The following LARP1B variants were observed in gnomAD, a reference collection of about 807,000 sequenced individuals.
The protein encoded by LARP1B is la-related protein 1B.
A neutral mutation model predicts 114.2 loss-of-function variants in LARP1B; 76 were observed. The ratio of observed to expected loss-of-function variants is 0.67; its 90% CI spans 0.55 to 0.81. The LOEUF (loss-of-function observed/expected upper bound fraction) is 0.81, where lower values mean the gene tolerates loss of function less well. Among genes scored for constraint, LARP1B ranks in the 30% least tolerant of loss-of-function variants. The pLI, the probability that LARP1B is intolerant of heterozygous loss-of-function variation, is 0.00. For missense variants in LARP1B, 1,014 were observed against 1,075.8 expected (o/e 0.94, Z 0.80); for synonymous variants, 345 against 348.0 (o/e 0.99, Z 0.10).
At chr4:128,203,861 G>A (rs1384789744) in intron 17 of LARP1B, among the ~76,000 whole-genome samples, 1 of 152,286 alleles carries the variant, frequency 6.6e-6, no homozygotes, top group African/African-American at 2.4e-5. Context: ...AATTTTCAGT[G>A]ATATAATGAC....
At chr4:128,203,770 G>A (rs530770655) in intron 17 of LARP1B, among the ~76,000 whole-genome samples, 5 of 152,214 alleles carry the variant, frequency 3.3e-5, no homozygotes, top group East Asian at 3.9e-4. Flanking sequence ...AGCTAACATC[G>A]CTTACATCTC....
chr4:128,074,330 TA>T (rs1766973426), intron 1 of LARP1B, 129 bp from the exon 2 acceptor site: 1 of 156,444 alleles, frequency 6.4e-6, no homozygotes, highest in African/African-American at 2.4e-5. Context: ...GCTAGGAATT[TA>T]AGTCTCAGAA....
At chr4:128,083,793 CG>C (rs1286032042) in intron 5 of LARP1B, among the ~76,000 whole-genome samples, 2 of 129,322 alleles carry the variant, frequency 1.5e-5, no homozygotes, top group Non-Finnish European at 3.4e-5. Flanking sequence ...GCTGGCCGGG[CG>C]GGGGGCTGAC....
intron 4 of LARP1B, among the ~76,000 whole-genome samples, chr4:128,080,436 G>A (rs370468917): frequency 5.3e-5 from 8 of 151,902 alleles, no homozygotes; most frequent in South Asian, 4.1e-4. Flanking sequence ...AAGGAATCTC[G>A]TTGACATAAT....
chr4:128,074,128 C>T (rs1012421834), intron 1 of LARP1B, among the ~76,000 whole-genome samples: 8 of 151,190 alleles, frequency 5.3e-5, no homozygotes, highest in Non-Finnish European at 2.9e-5. Flanking sequence ...TTAGTAGAGA[C>T]GGGGTTTCTC....
Position 128,179,486 on chromosome 4 carries a change from C to A in LARP1B, c.1977C>A (p.Asp659Glu), listed in dbSNP as rs1274605345. 1.2e-6 allele frequency: 2 copies of A among 1,607,094 alleles called. No individual in the cohort carries two copies. Among genetic ancestry groups the A allele is most frequent in the Non-Finnish European group, 1.7e-6 (2 of 1,175,976 alleles). Residue 659 changes from aspartate to glutamate, a missense_variant, in exon 15 of 20, where the codon GAC becomes GAA. Coordinates refer to ENST00000326639, the MANE Select transcript of LARP1B (RefSeq NM_018078.4). ...TTGGTTGGGTAATGGATTCCAGAGACCGTGGGCCAGGAACATCCTCTGTCA... is the reference window on the plus strand; with the variant it reads ...TTGGTTGGGTAATGGATTCCAGAGAACGTGGGCCAGGAACATCCTCTGTCA... Reference protein sequence around the residue: ...CHVGWVMDSRDRGPGTSSVST... With the variant: ...CHVGWVMDSRERGPGTSSVST...
At chr4:128,214,236 G>A (rs969735574), downstream of LARP1B, among the ~76,000 whole-genome samples, 7 of 146,380 alleles carry the variant, frequency 4.8e-5, no homozygotes, top group African/African-American at 1.3e-4. Context: ...AGGGGCGCCC[G>A]CCATTGCCCA....
chr4:128,192,260 T>A (rs996550180), intron 15 of LARP1B, among the ~76,000 whole-genome samples: 4 of 152,170 alleles, frequency 2.6e-5, no homozygotes, highest in African/African-American at 9.7e-5. Context: ...GCCAAAATAT[T>A]CATGTGACTT....
intron 4 of LARP1B, among the ~76,000 whole-genome samples, chr4:128,078,969 A>G (rs34834481): frequency 0.58 from 88,370 of 151,962 alleles, 26,638 homozygotes; most frequent in Middle Eastern, 0.8. Context: ...ATGGGAAACC[A>G]TTGAACCAAG....
chr4:128,069,408 G>A (rs1012933814), intron 1 of LARP1B: 2 of 761,570 alleles, frequency 2.6e-6, no homozygotes, highest in Non-Finnish European at 4.8e-6. Context: ...CTTAGGAACT[G>A]GGTGCTTTCG....
intron 11 of LARP1B, chr4:128,122,904 G>A: frequency 1.0e-6 from 1 of 990,708 alleles, no homozygotes; most frequent in Non-Finnish European, 1.2e-6. Flanking sequence ...GTACAGATAT[G>A]GGGATAAAAG....
In LARP1B at chr4:128,098,217, C is replaced by G. The variant is rs776676378; in HGVS notation, c.700C>G (p.Arg234Gly). Residue 234 changes from arginine (R) to glycine (G), a missense_variant, in exon 8 of 20, where the codon CGA becomes GGA. Physicochemically the swap from Arg to Gly is moderately radical, Grantham distance 125. Coordinates refer to ENST00000326639, the MANE Select transcript of LARP1B (RefSeq NM_018078.4). ...EYYFSVENLERDFFLRGKMDE... is the reference protein window; with the variant it reads ...EYYFSVENLEGDFFLRGKMDE... ...TTACTTCAGTGTAGAAAATTTGGAA[C>G]GAGACTTCTTTCTTCGGGGAAAGAT... 1.2e-6 allele frequency: 2 copies of G among 1,612,098 alleles called. No individual in the cohort carries two copies. Among genetic ancestry groups the G allele is most frequent in the African/African-American group, 1.3e-5 (1 of 74,888 alleles).
At chr4:128,168,533 T>G (rs1337912500) in intron 12 of LARP1B, among the ~76,000 whole-genome samples, 1 of 152,078 alleles carries the variant, frequency 6.6e-6, no homozygotes, top group Admixed American at 6.5e-5. Flanking sequence ...GGGGCTTATA[T>G]TTTCATTTTT....
chr4:128,202,731 C>A (rs1015895276), intron 17 of LARP1B, among the ~76,000 whole-genome samples: 2 of 152,176 alleles, frequency 1.3e-5, no homozygotes, highest in Non-Finnish European at 2.9e-5. Flanking sequence ...AACACAGTTT[C>A]CTACCTTTGG....
intron 4 of LARP1B, among the ~76,000 whole-genome samples, 184 bp from the exon 5 acceptor site, chr4:128,081,981 C>G (rs1373834802): frequency 6.6e-6 from 1 of 152,192 alleles, no homozygotes; most frequent in Non-Finnish European, 1.5e-5. Context: ...AGTCATCCGC[C>G]CACCGCGGCC....
intron 9 of LARP1B, among the ~76,000 whole-genome samples, chr4:128,110,247 T>A (rs1783576325): frequency 6.6e-6 from 1 of 152,162 alleles, no homozygotes; most frequent in Non-Finnish European, 1.5e-5. Context: ...TTTTCTGTGT[T>A]CTTACAAATT....
chr4:128,087,071 C>T (rs1376455463), intron 5 of LARP1B, among the ~76,000 whole-genome samples: 1 of 152,048 alleles, frequency 6.6e-6, no homozygotes, highest in Non-Finnish European at 1.5e-5. Context: ...AGACATGGGC[C>T]ACCATGTCTG....
intron 10 of LARP1B, among the ~76,000 whole-genome samples, chr4:128,117,872 G>T (rs757933415): frequency 6.6e-6 from 1 of 150,518 alleles, no homozygotes; most frequent in Non-Finnish European, 1.5e-5. Context: ...GAAATTTCAA[G>T]ATGATGTGCT....
chr4:128,065,331 C>CCTTTTCTTTTCTTTTCT (rs748006689), intron 1 of LARP1B, among the ~76,000 whole-genome samples: 3 of 73,240 alleles, frequency 4.1e-5, no homozygotes, highest in Non-Finnish European at 6.0e-5. Context: ...CTCTCTCTCT[C>CCTTTTCTTTTCTTTTCT]TTTCCTTTCT....
Sources: allele counts gnomAD v4.1 joint callset (sites outside exome capture counted in the v4.1 genomes callset), GRCh38; gene constraint gnomAD v4.1.1; transcripts MANE v1.5; gene names NCBI Gene and HGNC (gene_info 2026-07-23, HGNC 2026-07-21).